The following SLC25A48 variants were observed in gnomAD, a reference collection of about 807,000 sequenced individuals.
SLC25A48 encodes the protein solute carrier family 25 member 48.
SLC25A48 carries 29 observed loss-of-function variants against 32.2 expected under a neutral mutation model. That is an observed-to-expected ratio of 0.90 (90% CI 0.67 to 1.23). The LOEUF (loss-of-function observed/expected upper bound fraction) is 1.23. Among genes scored for constraint, SLC25A48 ranks in the 50% most tolerant of loss-of-function variants. The probability of loss-of-function intolerance (pLI) is 0.00; values close to 1 mark genes in which losing one functional copy is unlikely to be tolerated. For missense variants in SLC25A48, 399 were observed against 422.7 expected (o/e 0.94, Z 0.49); for synonymous variants, 164 against 172.3 (o/e 0.95, Z 0.38).
At chr5:135,669,297 TG>T in intron 3 of SLC25A48, among the ~76,000 whole-genome samples, 1 of 152,118 alleles carries the variant, frequency 6.6e-6, no homozygotes, top group Middle Eastern at 3.2e-3. Flanking sequence ...CTCTGGGGCC[TG>T]GAGGTGGGAA....
intron 4 of SLC25A48, among the ~76,000 whole-genome samples, chr5:135,856,134 C>T (rs114432622): frequency 1.8e-3 from 279 of 152,300 alleles, no homozygotes; most frequent in African/African-American, 6.4e-3. Flanking sequence ...CTTTGATTCT[C>T]AGCTCTACCA....
intron 3 of SLC25A48, among the ~76,000 whole-genome samples, chr5:135,703,134 A>C (rs1245167076): frequency 6.6e-6 from 1 of 152,252 alleles, no homozygotes; most frequent in Non-Finnish European, 1.5e-5. Context: ...CCCACGGGCA[A>C]ATAGCAGAGG....
At chr5:135,655,269 G>A (rs1040031931) in intron 3 of SLC25A48, among the ~76,000 whole-genome samples, 17 of 152,182 alleles carry the variant, frequency 1.1e-4, no homozygotes, top group African/African-American at 4.1e-4. Context: ...GAGGGGCCAG[G>A]CGCTTTCTAA....
At chr5:135,871,979 G>C (rs894127942) in intron 5 of SLC25A48, 2 of 1,354,730 alleles carry the variant, frequency 1.5e-6, no homozygotes, top group Non-Finnish European at 1.9e-6. Flanking sequence ...TCTGTGTCAG[G>C]CATTACTAAG....
intron 3 of SLC25A48, among the ~76,000 whole-genome samples, chr5:135,697,280 A>C (rs1754289651): frequency 7.0e-6 from 1 of 141,910 alleles, no homozygotes; most frequent in African/African-American, 2.5e-5. Flanking sequence ...GGTTCCCTCC[A>C]AAGGAGAGAG....
intron 3 of SLC25A48, among the ~76,000 whole-genome samples, chr5:135,811,387 G>A (rs911753029): frequency 2.0e-5 from 3 of 152,146 alleles, no homozygotes; most frequent in Non-Finnish European, 2.9e-5. Context: ...TAAAAGCACC[G>A]AGTAGAATGG....
At chr5:135,758,343 C>A (rs1032306613) in intron 3 of SLC25A48, among the ~76,000 whole-genome samples, 2 of 150,690 alleles carry the variant, frequency 1.3e-5, no homozygotes, top group African/African-American at 2.4e-5. Context: ...AATAGAATAT[C>A]ATCTCTATGA....
intron 3 of SLC25A48, among the ~76,000 whole-genome samples, chr5:135,802,554 C>A (rs1022630596): frequency 1.3e-5 from 2 of 151,334 alleles, no homozygotes; most frequent in Non-Finnish European, 3.0e-5. Context: ...GGGGGTACAC[C>A]ATGTGTGTAC....
intron 3 of SLC25A48, chr5:135,652,288 T>G: frequency 4.6e-6 from 2 of 436,704 alleles, no homozygotes; most frequent in Non-Finnish European, 9.2e-6. Context: ...AATGGACCTT[T>G]TCTATTATGA....
intron 1 of SLC25A48, among the ~76,000 whole-genome samples, chr5:135,582,083 A>G (rs768204887): frequency 1.2e-4 from 19 of 152,228 alleles, no homozygotes; most frequent in Non-Finnish European, 2.1e-4. Context: ...CAACACATTC[A>G]TGGTCATACT....
At chr5:135,751,115 C>G (rs1755761439) in intron 3 of SLC25A48, among the ~76,000 whole-genome samples, 2 of 152,178 alleles carry the variant, frequency 1.3e-5, no homozygotes, top group South Asian at 4.1e-4. Flanking sequence ...AACCACCCAG[C>G]CCGTGCACTG....
intron 4 of SLC25A48, among the ~76,000 whole-genome samples, chr5:135,814,141 C>G (rs1757657488): frequency 6.6e-6 from 1 of 152,198 alleles, no homozygotes; most frequent in Non-Finnish European, 1.5e-5. Flanking sequence ...AGTGACTTCT[C>G]ACTGAGCTGA....
At chr5:135,597,376 A>G (rs1371451453) in intron 1 of SLC25A48, among the ~76,000 whole-genome samples, 1 of 152,210 alleles carries the variant, frequency 6.6e-6, no homozygotes, top group Non-Finnish European at 1.5e-5. Context: ...GTCACCCTCC[A>G]GGTTAGGGCT....
rs576619651 is a variant in SLC25A48 at position 135,615,736 on chromosome 5, C to T, written c.-848-13501C>T. Among the ~76,000 whole-genome samples the T allele has an allele frequency of 9.4e-4, 143 of 152,294 alleles. 1 individual carries two copies. Among genetic ancestry groups the T allele is most frequent in the African/African-American group, 3.3e-3 (136 of 41,560 alleles). On this transcript the variant is annotated intron_variant, in intron 1 of 10. Transcript: ENST00000646290. ...GTTTGCATAACTGAAGTTTGCATAA[C>T]TGAAAGGAAAGCAAGTATTAACAGC...
At chr5:135,794,686 G>A (rs1043267712) in intron 3 of SLC25A48, among the ~76,000 whole-genome samples, 17 of 145,262 alleles carry the variant, frequency 1.2e-4, no homozygotes, top group African/African-American at 3.1e-4. Flanking sequence ...TCTAATAGCC[G>A]GGGGGAGAGG....
intron 7 of SLC25A48, among the ~76,000 whole-genome samples, chr5:135,885,338 G>A (rs556412289): frequency 1.3e-5 from 2 of 152,244 alleles, no homozygotes; most frequent in South Asian, 4.2e-4. Flanking sequence ...AGCCTGCTGG[G>A]CCAGCTGCTG....
At chr5:135,665,682 C>T (rs114839603) in intron 3 of SLC25A48, among the ~76,000 whole-genome samples, 1,850 of 151,784 alleles carry the variant, frequency 0.012, 32 homozygotes, top group African/African-American at 0.04. Context: ...ATAAGGTGTC[C>T]TTTCCCCAGT....
chr5:135,745,340 T>C (rs185075677), intron 3 of SLC25A48, among the ~76,000 whole-genome samples: 7 of 152,312 alleles, frequency 4.6e-5, no homozygotes, highest in South Asian at 2.1e-4. Context: ...AGGAACACCT[T>C]GAGCGGTTTT....
At chr5:135,602,105 G>A (rs1038833371) in intron 1 of SLC25A48, among the ~76,000 whole-genome samples, 2 of 152,188 alleles carry the variant, frequency 1.3e-5, no homozygotes, top group South Asian at 2.1e-4. Flanking sequence ...TGTGTACAGA[G>A]CCAGGGCCCA....
Sources: allele counts gnomAD v4.1 joint callset (sites outside exome capture counted in the v4.1 genomes callset), GRCh38; gene constraint gnomAD v4.1.1; transcripts MANE v1.5; gene names NCBI Gene and HGNC (gene_info 2026-07-23, HGNC 2026-07-21).